The following TDRD5 variants were observed in gnomAD, a reference collection of about 807,000 sequenced individuals.
TDRD5 encodes tudor domain containing 5, also known as tudor domain-containing protein 5.
Under a neutral mutation model 120.6 loss-of-function variants are expected in TDRD5, and 41 were observed. The observed-to-expected ratio is 0.34, with a 90% CI of 0.26 to 0.44. TDRD5 has a LOEUF of 0.44. TDRD5 is among the 20% of genes least tolerant of loss of function. The pLI is 1.00. For missense variants in TDRD5, 1,006 were observed against 1,221.2 expected (o/e 0.82, Z 2.63); for synonymous variants, 430 against 433.7 (o/e 0.99, Z 0.11).
rs10913851 is a variant in TDRD5 at position 179,652,089 on chromosome 1, G to A, written c.2052G>A (p.Gly684=). The change falls in exon 13 of 18, where the codon GGG becomes GGA. Residue 684 remains glycine (G), a synonymous_variant. Transcript: ENST00000444136. ...CTTTATACACGACATCCAGTGGAGG[G>A]CCAGAGGACATTGTCTTGACAGAAC... The part of the protein sequence containing the change: ...PLALYTTSSG[G]PEDIVLTELG... 45,401 of 1,613,808 alleles carry A rather than the reference G, an allele frequency of 0.028. 942 individuals are homozygous for A. The highest frequency in any genetic ancestry group is 0.088 in the East Asian group (3,959 of 44,852).
At position 179,674,292 on chromosome 1, in the gene TDRD5, AT is replaced by A. The variant is rs1250220104; in HGVS notation, c.2860+4890del. 2.0e-5 allele frequency among the ~76,000 whole-genome samples: 3 copies of A among 152,196 alleles called. No homozygotes were observed. The East Asian group carries it at 5.8e-4, about 29-fold the overall frequency. On this transcript the variant is annotated intron_variant, in intron 17 of 17. Coordinates refer to ENST00000444136, the MANE Select transcript of TDRD5 (RefSeq NM_001199085.3). ...TTTGTCAAATGCTTTTTCTGCATCT[AT>A]TGAGGTGATCAAGTGATTTTTGTTT...
intron 8 of TDRD5, among the ~76,000 whole-genome samples, chr1:179,635,191 A>C (rs1367303538): frequency 6.6e-6 from 1 of 152,232 alleles, no homozygotes; most frequent in African/African-American, 2.4e-5. Context: ...GGAGGAAAAT[A>C]GAAGGAAGGC....
rs1677473709 is a variant in TDRD5, at chr1:179,631,883, G to C, written c.1126+963G>C. ...TTTTTTTTTTTTTTTTGTGGGGTGG[G>C]TGGTGGTGAGGGACCTTCTTTTTCT... On this transcript the variant is annotated intron_variant, in intron 7 of 17. Coordinates refer to ENST00000444136, the MANE Select transcript of TDRD5 (RefSeq NM_001199085.3). Among the ~76,000 whole-genome samples the C allele has an allele frequency of 3.5e-5, 5 of 144,662 alleles. No homozygotes were observed. The South Asian group carries it at 1.1e-3, about 32-fold the overall frequency. 94.9% of individuals were successfully genotyped at this position (144,662 alleles called of 152,430 possible).
At chr1:179,627,477 G>A (rs756491144) in intron 6 of TDRD5, among the ~76,000 whole-genome samples, 3 of 152,140 alleles carry the variant, frequency 2.0e-5, no homozygotes, top group Non-Finnish European at 4.4e-5. Context: ...TATATTGGTG[G>A]TAGTATTCTG....
intron 17 of TDRD5, 130 bp from the exon 18 acceptor site, chr1:179,690,566 C>A: frequency 8.2e-7 from 1 of 1,223,456 alleles, no homozygotes; most frequent in Non-Finnish European, 1.1e-6. Flanking sequence ...CTCTGATTAG[C>A]CATTGGTAAT....
chr1:179,673,185 G>A (rs1679945050), intron 17 of TDRD5, among the ~76,000 whole-genome samples: 1 of 152,064 alleles, frequency 6.6e-6, no homozygotes, highest in Non-Finnish European at 1.5e-5. Flanking sequence ...ATTGCTTTTG[G>A]CAGTATGATC....
In TDRD5 at chr1:179,634,612, G is replaced by T; in HGVS notation, c.1282G>T (p.Val428Leu). 6.2e-7 allele frequency: 1 copy of T among 1,612,130 alleles called. No homozygotes were observed. Among genetic ancestry groups the T allele is most frequent in the Non-Finnish European group, 8.5e-7 (1 of 1,179,494 alleles). Residue 428 changes from valine (V) to leucine (L), a missense_variant, in exon 8 of 18, where the codon GTA becomes TTA. Around this residue, in one of 3 missense-constraint regions of TDRD5, gnomAD observed 445 missense variants for 515.5 expected, o/e 0.86. Coordinates refer to ENST00000444136, the MANE Select transcript of TDRD5 (RefSeq NM_001199085.3). ...GATTTGCAAGAAGCCTAATCTGGTG[G>T]TAAAGCCTTTACAGCTGGTGAGTGA... is the stretch of plus-strand genomic sequence containing the variant. ...QKICKKPNLV[V>L]KPLQLQVETN...
chr1:179,671,285 T>G (rs1309043747), intron 17 of TDRD5, among the ~76,000 whole-genome samples: 2 of 152,206 alleles, frequency 1.3e-5, no homozygotes, highest in Non-Finnish European at 2.9e-5. Flanking sequence ...TCCTCCAACT[T>G]TCTTTTTCTC....
At chr1:179,641,904 G>A (rs902967867) in intron 11 of TDRD5, among the ~76,000 whole-genome samples, 3 of 151,922 alleles carry the variant, frequency 2.0e-5, no homozygotes, top group Admixed American at 6.6e-5. Context: ...ATGTTTTTTG[G>A]TGGAAGCCTG....
At chr1:179,643,261 C>T (rs1678151838) in intron 11 of TDRD5, among the ~76,000 whole-genome samples, 1 of 151,926 alleles carries the variant, frequency 6.6e-6, no homozygotes, top group African/African-American at 2.4e-5. Context: ...AAGAGCATAA[C>T]AGAATCCAGA....
At chr1:179,605,297 ATAGT>A (rs1675913360) in intron 4 of TDRD5, among the ~76,000 whole-genome samples, 1 of 152,140 alleles carries the variant, frequency 6.6e-6, no homozygotes, top group African/African-American at 2.4e-5. Flanking sequence ...AAGGCAGCAG[ATAGT>A]TGGTTGTGGA....
rs143201447 is a variant in TDRD5, at chr1:179,653,226, A to G, written c.2161-975A>G. Among the ~76,000 whole-genome samples, 450 of 152,304 alleles carry G rather than the reference A, an allele frequency of 3.0e-3. 1 individual carries two copies. The highest frequency in any genetic ancestry group is 0.01 in the African/African-American group (429 of 41,586). On this transcript the variant is annotated intron_variant, in intron 13 of 17. Coordinates refer to ENST00000444136, the MANE Select transcript of TDRD5 (RefSeq NM_001199085.3). Reference sequence around the variant, plus strand: ...TTGAGGGCCAAAAATGTTTTGTTTTATTGATACAATGTCTTTTTATTTTCT... The same window carrying G: ...TTGAGGGCCAAAAATGTTTTGTTTTGTTGATACAATGTCTTTTTATTTTCT...
chr1:179,602,493 A>C (rs1558371725), intron 4 of TDRD5, among the ~76,000 whole-genome samples: 1 of 151,958 alleles, frequency 6.6e-6, no homozygotes, highest in Admixed American at 6.6e-5. Flanking sequence ...TATCTTCTAG[A>C]ATTTTTATAG....
chr1:179,602,468 G>A (rs1360712743), intron 4 of TDRD5, among the ~76,000 whole-genome samples: 1 of 152,092 alleles, frequency 6.6e-6, no homozygotes, highest in African/African-American at 2.4e-5. Flanking sequence ...ATGTCTAGAA[G>A]GGTTTTTCCA....
At chr1:179,639,727 C>T in intron 9 of TDRD5, 112 bp from the exon 10 acceptor site, 1 of 1,110,148 alleles carries the variant, frequency 9.0e-7, no homozygotes, top group Non-Finnish European at 1.3e-6. Context: ...TTGACAAAGT[C>T]AATTTTCTTT....
intron 9 of TDRD5, among the ~76,000 whole-genome samples, chr1:179,637,718 G>A (rs1190256913): frequency 2.3e-5 from 3 of 130,864 alleles, no homozygotes. Context: ...CTGTCTGGGG[G>A]AAAAAAAAAA....
At chr1:179,604,020 G>A (rs868048806) in intron 4 of TDRD5, among the ~76,000 whole-genome samples, 9 of 151,808 alleles carry the variant, frequency 5.9e-5, no homozygotes, top group African/African-American at 1.9e-4. Context: ...ACTTTTTTTT[G>A]TTGGTAATTT....
intron 4 of TDRD5, among the ~76,000 whole-genome samples, chr1:179,605,124 A>G (rs1411493358): frequency 6.6e-6 from 1 of 152,164 alleles, no homozygotes; most frequent in African/African-American, 2.4e-5. Flanking sequence ...CCATTATATA[A>G]TGTCCCTCTT....
chr1:179,619,678 C>A (rs919266442), intron 5 of TDRD5, among the ~76,000 whole-genome samples: 1 of 151,466 alleles, frequency 6.6e-6, no homozygotes, highest in Admixed American at 6.6e-5. Context: ...GCTGGAATGC[C>A]GTGGTGCAAT....
Sources: allele counts gnomAD v4.1 joint callset (sites outside exome capture counted in the v4.1 genomes callset), GRCh38; gene constraint gnomAD v4.1.1; regional missense constraint gnomAD v4.1.1; transcripts MANE v1.5; gene names NCBI Gene and HGNC (gene_info 2026-07-23, HGNC 2026-07-21).